Variants in LCMT1 observed in about 807,000 individuals in gnomAD.
LCMT1 encodes leucine carboxyl methyltransferase 1.
Under a neutral mutation model 47.7 loss-of-function variants are expected in LCMT1, and 32 were observed. The ratio of observed to expected loss-of-function variants is 0.67; its 90% CI spans 0.51 to 0.90. The LOEUF is 0.90. LCMT1 is among the 40% of genes least tolerant of loss of function. LCMT1 has a pLI of 0.00. For synonymous variants in LCMT1, 152 were observed against 149.7 expected, an observed-to-expected ratio of 1.02 and a Z score of -0.11; for missense variants, 375 against 415.2, an observed-to-expected ratio of 0.90 and a Z score of 0.84.
chr16:25,164,797 C>G (rs1961538535), intron 7 of LCMT1, 79 bp downstream of exon 7: 3 of 1,567,766 alleles, frequency 1.9e-6, no homozygotes, highest in Non-Finnish European at 2.6e-6. Context: ...CTTAGGATAA[C>G]TTCCCTTATC....
Position 25,144,690 on chromosome 16 carries a change from T to C in LCMT1, c.404+4443T>C, listed in dbSNP as rs568734448. The stretch of plus-strand genomic sequence containing the variant: ...CCAGTCTGAACCTGGTGGGGAGTCA[T>C]AGCTTCTGTATATTGTCCCTGTGTC... On this transcript the variant is annotated intron_variant, in intron 4 of 10. Coordinates refer to ENST00000399069, the MANE Select transcript of LCMT1 (RefSeq NM_016309.3). The C allele has an allele frequency of 9.5e-4, 144 of 152,294 alleles. 1 individual carries two copies. The highest frequency in any genetic ancestry group is 3.4e-3 in the African/African-American group (141 of 41,554). 9.4% of individuals were successfully genotyped at this position (152,294 alleles called of 1,614,324 possible).
rs1010214813 is a variant in LCMT1, at chr16:25,111,776, C to A, written c.-108C>A. On this transcript the variant is annotated 5_prime_UTR_variant, in exon 1 of 11. Coordinates refer to ENST00000399069, the MANE Select transcript of LCMT1 (RefSeq NM_016309.3). ...CCGCGCCAGCTGAGCCAGGTAGGGCCCTACCCTCTTCTGTTGCTTTCTCCC... is the reference window on the plus strand; with the variant it reads ...CCGCGCCAGCTGAGCCAGGTAGGGCACTACCCTCTTCTGTTGCTTTCTCCC... 1.3e-6 allele frequency: 1 copy of A among 756,676 alleles called. No homozygotes were observed. Among genetic ancestry groups the A allele is most frequent in the Admixed American group, 2.1e-5 (1 of 47,660 alleles). The allele number at this position is 756,676 out of a possible 1,614,324, so 46.9% of individuals were successfully genotyped here.
chr16:25,117,015 T>C lies in LCMT1; in HGVS notation c.113+5019T>C, dbSNP rs538747930. On this transcript the variant is annotated intron_variant, in intron 1 of 10. Transcript: ENST00000399069. Reference sequence around the variant, plus strand: ...GGTGAACTTGACAGAGAGTAGGGAGTGGGTAGCAGGTTAGAATTTAGAAAG... The same window carrying C: ...GGTGAACTTGACAGAGAGTAGGGAGCGGGTAGCAGGTTAGAATTTAGAAAG... Among the ~76,000 whole-genome samples, 6 of 151,168 alleles carry C rather than the reference T, an allele frequency of 4.0e-5. No homozygotes were observed. In the East Asian group the frequency reaches 1.2e-3, roughly 30 times the overall value.
chr16:25,129,465 T>C (rs1960288085), intron 2 of LCMT1, among the ~76,000 whole-genome samples: 1 of 152,256 alleles, frequency 6.6e-6, no homozygotes, highest in South Asian at 2.1e-4. Flanking sequence ...TATTTATAAG[T>C]GACGTTGAGG....
chr16:25,174,541 G>A (rs1262672917), intron 9 of LCMT1, among the ~76,000 whole-genome samples: 1 of 151,970 alleles, frequency 6.6e-6, no homozygotes, highest in African/African-American at 2.4e-5. Context: ...ATATTAATAC[G>A]TATGGACCTA....
chr16:25,126,265 T>A, intron 1 of LCMT1: 2 of 1,002,774 alleles, frequency 2.0e-6, no homozygotes, highest in South Asian at 3.2e-5. Context: ...CTGAGGTCAG[T>A]CCCAGATGCC....
chr16:25,130,157 G>A (rs968836747), intron 2 of LCMT1, among the ~76,000 whole-genome samples: 23 of 151,382 alleles, frequency 1.5e-4, no homozygotes, highest in African/African-American at 5.6e-4. Context: ...TGGCTAACAC[G>A]GTGAAACCCC....
chr16:25,154,234 G>A (rs1427491958), intron 5 of LCMT1, among the ~76,000 whole-genome samples: 1 of 151,486 alleles, frequency 6.6e-6, no homozygotes, highest in African/African-American at 2.4e-5. Flanking sequence ...GGCTGGTCTC[G>A]AACTGCTAAC....
chr16:25,161,771 TATAAA>T (rs1961440822), intron 6 of LCMT1, among the ~76,000 whole-genome samples: 1 of 151,424 alleles, frequency 6.6e-6, no homozygotes, highest in African/African-American at 2.4e-5. Context: ...ATTTGTAACA[TATAAA>T]GAAAAGATTA....
chr16:25,128,430 C>A (rs781076414), intron 1 of LCMT1, 45 bp from the exon 2 acceptor site: 1 of 1,433,042 alleles, frequency 7.0e-7, no homozygotes, highest in South Asian at 1.2e-5. Context: ...TTGGTCTGAA[C>A]CTACTCAATC....
chr16:25,175,562 G>C (rs1007415041), intron 10 of LCMT1, among the ~76,000 whole-genome samples: 1 of 152,050 alleles, frequency 6.6e-6, no homozygotes, highest in Non-Finnish European at 1.5e-5. Flanking sequence ...TACCTGGGAG[G>C]TGGAGGTTGC....
chr16:25,139,235 C>A (rs1311879650), intron 3 of LCMT1, among the ~76,000 whole-genome samples: 1 of 152,148 alleles, frequency 6.6e-6, no homozygotes, highest in Non-Finnish European at 1.5e-5. Flanking sequence ...ACAAGTAAAT[C>A]CTGGCCCAGT....
At chr16:25,123,600 C>CT (rs1173228613) in intron 1 of LCMT1, among the ~76,000 whole-genome samples, 1,650 of 63,500 alleles carry the variant, frequency 0.026, 75 homozygotes, top group African/African-American at 0.053. Context: ...AAATTGCTTT[C>CT]TTTTTTTTTT....
chr16:25,139,091 A>G (rs976774751), intron 3 of LCMT1, among the ~76,000 whole-genome samples: 7 of 151,780 alleles, frequency 4.6e-5, no homozygotes, highest in African/African-American at 1.5e-4. Flanking sequence ...TATTTTTTGT[A>G]GAGATGAGGT....
chr16:25,146,405 T>TAAGGAGGTCAGGGCA (rs899722163), intron 4 of LCMT1: 1 of 152,390 alleles, frequency 6.6e-6, no homozygotes, highest in Non-Finnish European at 1.5e-5. Flanking sequence ...TGTCCTGTTT[T>TAAGGAGGTCAGGGCA]AAGGAGGTCA....
rs192832912 is a variant in LCMT1, at chr16:25,122,611, G to A, written c.114-5864G>A. Among the ~76,000 whole-genome samples, 635 of 150,658 alleles carry A rather than the reference G, an allele frequency of 4.2e-3. 3 individuals carry two copies. The highest frequency in any genetic ancestry group is 0.015 in the African/African-American group (614 of 40,976). On this transcript the variant is annotated intron_variant, in intron 1 of 10. Transcript: ENST00000399069. ...CCCAAAGTGTTGGGATTACAGGTGC[G>A]AGCCACTGCTTCCAGCCCTTGTTAT...
intron 9 of LCMT1, among the ~76,000 whole-genome samples, chr16:25,172,716 C>T (rs781079732): frequency 1.1e-4 from 16 of 152,224 alleles, no homozygotes; most frequent in Non-Finnish European, 2.2e-4. Flanking sequence ...CAATGAAAGC[C>T]TAGAGGGTTT....
At chr16:25,143,366 T>G (rs1214782637) in intron 4 of LCMT1, 1 of 152,210 alleles carries the variant, frequency 6.6e-6, no homozygotes, top group Non-Finnish European at 1.5e-5. Flanking sequence ...ATCTTAACTT[T>G]CCCTGATGAT....
At chr16:25,161,055 G>C (rs1961417384) in intron 5 of LCMT1, 47 bp from the exon 6 acceptor site, 1 of 1,154,652 alleles carries the variant, frequency 8.7e-7, no homozygotes, top group Admixed American at 2.2e-5. Context: ...CTATAACTTT[G>C]GAAAAGACAT....
Sources: allele counts gnomAD v4.1 joint callset (sites outside exome capture counted in the v4.1 genomes callset), GRCh38; gene constraint gnomAD v4.1.1; transcripts MANE v1.5; gene names NCBI Gene and HGNC (gene_info 2026-07-23, HGNC 2026-07-21).